SEMA5A: variants seen among roughly 807,000 people sequenced by gnomAD.
SEMA5A encodes the protein semaphorin-5A.
In SEMA5A, 55 loss-of-function variants were observed where a neutral mutation model predicts 135.5. That is an observed-to-expected ratio of 0.41 (90% CI 0.33 to 0.51). SEMA5A has a LOEUF of 0.51. Ranked by LOEUF, SEMA5A falls within the 20% of genes least tolerant of loss-of-function variation. The pLI, the probability that SEMA5A is intolerant of heterozygous loss-of-function variation, is 0.37. For missense variants in SEMA5A, 1,290 were observed against 1,419.9 expected, an observed-to-expected ratio of 0.91 and a Z score of 1.47; for synonymous variants, 580 against 546.5, an observed-to-expected ratio of 1.06 and a Z score of -0.85.
chr5:9,161,327 C>T (rs535812134), intron 11 of SEMA5A, among the ~76,000 whole-genome samples: 36 of 151,982 alleles, frequency 2.4e-4, no homozygotes, highest in African/African-American at 8.2e-4. Context: ...AGGTAGGAAC[C>T]GAAAGGGTTT....
At chr5:9,443,382 G>T (rs1758311028) in intron 1 of SEMA5A, among the ~76,000 whole-genome samples, 1 of 151,886 alleles carries the variant, frequency 6.6e-6, no homozygotes, top group Admixed American at 6.6e-5. Context: ...AGGAAGAGGG[G>T]GAAGAAAAAC....
chr5:9,317,552 C>G (rs1752445073), intron 5 of SEMA5A, among the ~76,000 whole-genome samples: 1 of 152,218 alleles, frequency 6.6e-6, no homozygotes, highest in African/African-American at 2.4e-5. Context: ...CTCTGAAGTT[C>G]CCTAAATGTT....
intron 13 of SEMA5A, among the ~76,000 whole-genome samples, chr5:9,131,564 C>T (rs191624326): frequency 7.4e-5 from 9 of 122,130 alleles, no homozygotes; most frequent in African/African-American, 2.5e-4. Flanking sequence ...GCTGAGATCT[C>T]GCAACTGCAC....
At chr5:9,478,294 A>G (rs943359831) in intron 1 of SEMA5A, among the ~76,000 whole-genome samples, 3 of 152,234 alleles carry the variant, frequency 2.0e-5, no homozygotes, top group Admixed American at 6.5e-5. Context: ...GCAGAGGGGC[A>G]GTGTGGGGTT....
chr5:9,302,524 T>G (rs3777315), intron 5 of SEMA5A, among the ~76,000 whole-genome samples: 21,112 of 152,200 alleles, frequency 0.14, 1,559 homozygotes, highest in South Asian at 0.19. Context: ...AACAGCACAT[T>G]TCATTTCATG....
chr5:9,283,967 T>C (rs1047552204), intron 5 of SEMA5A, among the ~76,000 whole-genome samples: 6 of 151,946 alleles, frequency 3.9e-5, no homozygotes, highest in African/African-American at 1.5e-4. Context: ...ATGTGATACA[T>C]GGTCTTACTA....
At chr5:9,357,000 A>T (rs1754479987) in intron 3 of SEMA5A, among the ~76,000 whole-genome samples, 1 of 152,186 alleles carries the variant, frequency 6.6e-6, no homozygotes, top group African/African-American at 2.4e-5. Flanking sequence ...CTTGCAAGAC[A>T]TAGAGAACCC....
chr5:9,171,700 G>A (rs1475894831), intron 11 of SEMA5A, among the ~76,000 whole-genome samples: 1 of 152,192 alleles, frequency 6.6e-6, no homozygotes, highest in Non-Finnish European at 1.5e-5. Flanking sequence ...TAACTGGGAT[G>A]TAGATGGCTG....
intron 8 of SEMA5A, among the ~76,000 whole-genome samples, chr5:9,210,503 C>T (rs1746286134): frequency 6.6e-6 from 1 of 152,186 alleles, no homozygotes; most frequent in Admixed American, 6.5e-5. Flanking sequence ...CAACCTTTTC[C>T]AGAGTCCACA....
At chr5:9,210,479 C>T (rs1746284771) in intron 8 of SEMA5A, among the ~76,000 whole-genome samples, 1 of 152,184 alleles carries the variant, frequency 6.6e-6, no homozygotes, top group Non-Finnish European at 1.5e-5. Context: ...CTACAACAGT[C>T]AAGAAAATGC....
intron 18 of SEMA5A, among the ~76,000 whole-genome samples, chr5:9,059,693 G>T (rs1347258708): frequency 6.6e-6 from 1 of 152,114 alleles, no homozygotes; most frequent in Non-Finnish European, 1.5e-5. Context: ...GGGATTACAG[G>T]TACATGCCAC....
intron 5 of SEMA5A, among the ~76,000 whole-genome samples, chr5:9,290,544 A>C (rs1186038187): frequency 5.9e-5 from 9 of 152,178 alleles, no homozygotes; most frequent in African/African-American, 2.2e-4. Flanking sequence ...TTAATTGTGA[A>C]ACAAGACAAT....
At chr5:9,354,956 G>C (rs1754376918) in intron 3 of SEMA5A, among the ~76,000 whole-genome samples, 1 of 152,194 alleles carries the variant, frequency 6.6e-6, no homozygotes, top group Non-Finnish European at 1.5e-5. Flanking sequence ...AGTGTAACGA[G>C]AGACAGGAGA....
At chr5:9,539,754 A>AT (rs1420703347) in intron 1 of SEMA5A, among the ~76,000 whole-genome samples, 6 of 152,090 alleles carry the variant, frequency 3.9e-5, no homozygotes, top group Admixed American at 3.9e-4. Context: ...TGGAATTGGG[A>AT]TTTTTTGATT....
chr5:9,323,817 A>G (rs1248458584), intron 4 of SEMA5A, among the ~76,000 whole-genome samples: 1 of 151,100 alleles, frequency 6.6e-6, no homozygotes, highest in Non-Finnish European at 1.5e-5. Flanking sequence ...ACATGCCACC[A>G]CGCCTGACTA....
At chr5:9,241,669 A>C (rs1030229609) in intron 5 of SEMA5A, among the ~76,000 whole-genome samples, 1 of 152,100 alleles carries the variant, frequency 6.6e-6, no homozygotes, top group African/African-American at 2.4e-5. Flanking sequence ...TACAGCATCC[A>C]TTGGACCGTG....
intron 5 of SEMA5A, among the ~76,000 whole-genome samples, chr5:9,301,548 C>T (rs1179968222): frequency 6.6e-6 from 1 of 152,108 alleles, no homozygotes; most frequent in African/African-American, 2.4e-5. Flanking sequence ...CTCTGTTGGG[C>T]CTTCTTCTTG....
At chr5:9,222,492 G>A (rs77477926) in intron 8 of SEMA5A, among the ~76,000 whole-genome samples, 52 of 152,206 alleles carry the variant, frequency 3.4e-4, no homozygotes, top group East Asian at 1.4e-3. Flanking sequence ...GGGGGAGGGC[G>A]GTGGAAATGC....
intron 14 of SEMA5A, among the ~76,000 whole-genome samples, chr5:9,120,075 T>C (rs1333056036): frequency 6.6e-6 from 1 of 152,018 alleles, no homozygotes; most frequent in Non-Finnish European, 1.5e-5. Flanking sequence ...AAAAAATACA[T>C]AGGTTTTTTT....
Sources: gnomAD v4.1 joint callset for allele counts (sites outside exome capture counted in the v4.1 genomes callset) on GRCh38, gnomAD v4.1.1 for gene constraint, MANE v1.5 for transcripts, NCBI Gene and HGNC (gene_info 2026-07-23, HGNC 2026-07-21) for gene names.